NEBL: variants seen among roughly 807,000 people sequenced by gnomAD.
NEBL encodes LIM and SH3 protein 2.
In NEBL, 122 loss-of-function variants were observed where a neutral mutation model predicts 140.2. That is an observed-to-expected ratio of 0.87 (90% CI 0.75 to 1.01). The LOEUF (loss-of-function observed/expected upper bound fraction) is 1.01, where lower values mean the gene tolerates loss of function less well. Among genes scored for constraint, NEBL ranks in the 50% least tolerant of loss-of-function variants. The probability of loss-of-function intolerance (pLI) is 0.00; values close to 1 mark genes in which losing one functional copy is unlikely to be tolerated. For synonymous variants in NEBL, 436 were observed against 398.9 expected (o/e 1.09, Z -1.11); for missense variants, 1,365 against 1,231.3 (o/e 1.11, Z -1.62).
At chr10:21,085,107 T>C (rs2131947790) in intron 2 of NEBL, among the ~76,000 whole-genome samples, 1 of 152,324 alleles carries the variant, frequency 6.6e-6, no homozygotes, top group Non-Finnish European at 1.5e-5. Context: ...AAGACAAACC[T>C]ACCAGCGATT....
At chr10:21,235,544 G>A (rs942421725) in intron 3 of NEBL, among the ~76,000 whole-genome samples, 1 of 152,060 alleles carries the variant, frequency 6.6e-6, no homozygotes, top group Non-Finnish European at 1.5e-5. Flanking sequence ...CGAACTCCTG[G>A]CCTCCAGCGA....
intron 3 of NEBL, among the ~76,000 whole-genome samples, chr10:21,209,460 G>T (rs1277527648): frequency 6.6e-6 from 1 of 151,956 alleles, no homozygotes; most frequent in Non-Finnish European, 1.5e-5. Context: ...TGGATACATT[G>T]CCCCTCTGAA....
At chr10:21,172,604 T>A in intron 1 of NEBL, 2 of 708,114 alleles carry the variant, frequency 2.8e-6, no homozygotes, top group Non-Finnish European at 2.4e-6. Flanking sequence ...AAAAAGAGTG[T>A]AGGGAACTGG....
intron 3 of NEBL, among the ~76,000 whole-genome samples, chr10:21,221,703 C>T (rs1469994126): frequency 1.3e-5 from 2 of 152,128 alleles, no homozygotes; most frequent in Admixed American, 6.5e-5. Flanking sequence ...CAGGGTTTCA[C>T]CACGTTGGCC....
intron 2 of NEBL, among the ~76,000 whole-genome samples, chr10:21,044,746 T>C (rs1834436807): frequency 3.3e-5 from 5 of 152,162 alleles, no homozygotes; most frequent in Admixed American, 3.3e-4. Flanking sequence ...CGTAAGCTCT[T>C]CTCCATAATA....
At chr10:20,840,135 A>C (rs1327682001) in intron 13 of NEBL, among the ~76,000 whole-genome samples, 1 of 152,106 alleles carries the variant, frequency 6.6e-6, no homozygotes, top group African/African-American at 2.4e-5. Context: ...TCAGAGTTTC[A>C]AAATATGGGG....
At chr10:21,017,146 G>A (rs559253677) in intron 3 of NEBL, among the ~76,000 whole-genome samples, 9 of 152,222 alleles carry the variant, frequency 5.9e-5, no homozygotes, top group South Asian at 2.1e-4. Context: ...GCAGGTTATC[G>A]AAATTCTCTA....
intron 4 of NEBL, among the ~76,000 whole-genome samples, chr10:20,907,669 G>A (rs543169704): frequency 4.6e-5 from 7 of 152,234 alleles, no homozygotes; most frequent in Non-Finnish European, 7.4e-5. Context: ...GGCATCTCAT[G>A]AAAAGAACCT....
intron 3 of NEBL, among the ~76,000 whole-genome samples, chr10:21,015,316 T>A (rs991957966): frequency 6.6e-6 from 1 of 152,258 alleles, no homozygotes; most frequent in East Asian, 1.9e-4. Context: ...GTCTTCTCAG[T>A]AGGGGCTCCC....
Position 21,204,291 on chromosome 10 carries a change from G to A in NEBL, n.349-31814C>T, listed in dbSNP as rs150909603. Among the ~76,000 whole-genome samples, 161 of 152,224 alleles carry A rather than the reference G, an allele frequency of 1.1e-3. 1 individual carries two copies. The highest frequency in any genetic ancestry group is 1.5e-3 in the South Asian group (7 of 4,824). ...ATATTTGTCCCCTCAAAATTCATAC[G>A]TTGGAGCTCTAACCCCAGTGTGACG... On this transcript the variant is annotated intron_variant and non_coding_transcript_variant, in intron 3 of 8. Transcript: ENST00000675702.
intron 4 of NEBL, among the ~76,000 whole-genome samples, chr10:20,939,761 T>C (rs1408172779): frequency 4.6e-5 from 7 of 151,676 alleles, no homozygotes; most frequent in South Asian, 2.1e-4. Flanking sequence ...AAATGGAAAA[T>C]ATAAAAAGGC....
At chr10:20,902,949 T>C (rs1302364277) in intron 4 of NEBL, among the ~76,000 whole-genome samples, 1 of 152,176 alleles carries the variant, frequency 6.6e-6, no homozygotes, top group African/African-American at 2.4e-5. Flanking sequence ...AGTGTTCCCT[T>C]CAGGACTATA....
intron 2 of NEBL, among the ~76,000 whole-genome samples, chr10:21,116,459 ACCAAAGTGT>A (rs1373053834): frequency 6.6e-6 from 1 of 152,136 alleles, no homozygotes; most frequent in Non-Finnish European, 1.5e-5. Flanking sequence ...TTACCAAATT[ACCAAAGTGT>A]CCATCTCCAA....
Position 20,858,239 on chromosome 10 carries a change from C to G in NEBL, c.903+1G>C. 6.3e-7 allele frequency: 1 copy of G among 1,595,612 alleles called. No homozygotes were observed. Reference sequence around the variant, plus strand: ...CGGTTGCCGCTAGATGAACCACTTACGCCGCTGAGCATTTTGCTGGCTTTC... The same window carrying G: ...CGGTTGCCGCTAGATGAACCACTTAGGCCGCTGAGCATTTTGCTGGCTTTC... On this transcript the variant is annotated splice_donor_variant, in intron 9 of 27. Transcript: ENST00000377122. LOFTEE classifies it high-confidence loss of function.
chr10:21,084,638 G>A (rs1304147894), intron 2 of NEBL, among the ~76,000 whole-genome samples: 1 of 152,058 alleles, frequency 6.6e-6, no homozygotes, highest in African/African-American at 2.4e-5. Context: ...CAGCAACAAT[G>A]AAGTCTCTTG....
chr10:21,119,249 T>A (rs1030269068), intron 2 of NEBL, among the ~76,000 whole-genome samples: 3 of 152,084 alleles, frequency 2.0e-5, no homozygotes, highest in Admixed American at 6.6e-5. Context: ...AACACAAAGT[T>A]CTTTCTTCCT....
intron 2 of NEBL, among the ~76,000 whole-genome samples, chr10:21,129,186 G>A (rs1482257108): frequency 6.6e-6 from 1 of 151,988 alleles, no homozygotes; most frequent in African/African-American, 2.4e-5. Context: ...AATGATGAAG[G>A]TCAGGAACTT....
intron 4 of NEBL, among the ~76,000 whole-genome samples, chr10:20,887,639 A>G (rs1393977097): frequency 6.6e-6 from 1 of 151,612 alleles, no homozygotes; most frequent in East Asian, 1.9e-4. Flanking sequence ...CTTGTCTTCA[A>G]CTCCTGAGCT....
chr10:21,171,815 G>A (rs568817858), intron 2 of NEBL: 30 of 160,894 alleles, frequency 1.9e-4, no homozygotes, highest in Non-Finnish European at 3.3e-4. Context: ...GGAAGTACCC[G>A]GTCTACTTCA....
Sources: gnomAD v4.1 joint callset for allele counts (sites outside exome capture counted in the v4.1 genomes callset) on GRCh38, gnomAD v4.1.1 for gene constraint, MANE v1.5 for transcripts, NCBI Gene and HGNC (gene_info 2026-07-23, HGNC 2026-07-21) for gene names.